PCSK5: variants seen among roughly 807,000 people sequenced by gnomAD.
PCSK5 encodes proprotein convertase subtilisin/kexin type 5, also known as prohormone convertase 5.
PCSK5 carries 129 observed loss-of-function variants against 233.2 expected under a neutral mutation model. The ratio of observed to expected loss-of-function variants is 0.55; its 90% CI spans 0.48 to 0.64. The LOEUF (loss-of-function observed/expected upper bound fraction) is 0.64. Ranked by LOEUF, PCSK5 falls within the 30% of genes least tolerant of loss-of-function variation. PCSK5 has a pLI of 0.00. For missense variants in PCSK5, 2,076 were observed against 2,430.1 expected (o/e 0.85, Z 3.06); for synonymous variants, 825 against 879.2 (o/e 0.94, Z 1.09).
chr9:76,293,697 G>A (rs556258509), intron 25 of PCSK5, among the ~76,000 whole-genome samples: 1 of 152,234 alleles, frequency 6.6e-6, no homozygotes, highest in Non-Finnish European at 1.5e-5. Context: ...TCTGTTAAAC[G>A]TTGGAGCCAA....
intron 3 of PCSK5, among the ~76,000 whole-genome samples, chr9:76,010,834 G>A (rs1047516721): frequency 1.3e-5 from 2 of 152,186 alleles, no homozygotes; most frequent in African/African-American, 4.8e-5. Context: ...TGCTACCCTA[G>A]TGTTGAATTT....
At chr9:75,950,216 T>G (rs1824791591) in intron 2 of PCSK5, among the ~76,000 whole-genome samples, 1 of 150,968 alleles carries the variant, frequency 6.6e-6, no homozygotes, top group African/African-American at 2.4e-5. Flanking sequence ...TTTATTTATT[T>G]GTTTTTTTTT....
At chr9:76,316,684 G>A (rs1829041049) in intron 30 of PCSK5, among the ~76,000 whole-genome samples, 1 of 136,282 alleles carries the variant, frequency 7.3e-6, no homozygotes, top group Non-Finnish European at 1.5e-5. Context: ...GCTGCAGTGA[G>A]CCATGATCAC....
intron 16 of PCSK5, among the ~76,000 whole-genome samples, chr9:76,182,081 G>T (rs1823899384): frequency 6.6e-6 from 1 of 152,102 alleles, no homozygotes; most frequent in African/African-American, 2.4e-5. Flanking sequence ...AAGGAAAATA[G>T]GTGTTCACCA....
chr9:76,104,236 G>A, intron 8 of PCSK5, among the ~76,000 whole-genome samples: 1 of 152,036 alleles, frequency 6.6e-6, no homozygotes, highest in Non-Finnish European at 1.5e-5. Flanking sequence ...CCTAAATATT[G>A]CCACCTCTGA....
At chr9:76,059,476 G>T (rs1282108551) in intron 5 of PCSK5, among the ~76,000 whole-genome samples, 1 of 152,160 alleles carries the variant, frequency 6.6e-6, no homozygotes, top group Non-Finnish European at 1.5e-5. Flanking sequence ...TTCTTCTAAG[G>T]TTTTTATGGT....
At chr9:76,260,490 C>T (rs1213591177) in intron 24 of PCSK5, among the ~76,000 whole-genome samples, 2 of 152,228 alleles carry the variant, frequency 1.3e-5, no homozygotes, top group African/African-American at 4.8e-5. Context: ...GAAACCATCA[C>T]TGATAGCCGT....
At position 76,189,727 on chromosome 9, in the gene PCSK5, G is replaced by A. The variant is rs1294419418; in HGVS notation, c.2607G>A (p.Met869Ile). ...GYLLDLGMCQ[M>I]GAICKDGEYV... ...TCTTAGACTTAGGAATGTGTCAAAT[G>A]GGAGCCATTTGCAAGGATGGTGAGT... is the stretch of plus-strand genomic sequence containing the variant. The change falls in exon 20 of 38, where the codon ATG (methionine) becomes ATA (isoleucine). Residue 869 changes from methionine (M) to isoleucine (I), a missense_variant. Met to Ile is a conservative substitution (Grantham distance 10). Around this residue, in one of 6 missense-constraint regions of PCSK5, gnomAD observed 1,510 missense variants for 1,538.1 expected, o/e 0.98. Coordinates refer to ENST00000674117, the MANE Select transcript of PCSK5 (RefSeq NM_001372043.1). 6.2e-7 allele frequency: 1 copy of A among 1,600,290 alleles called. No individual in the cohort carries two copies. The highest frequency in any genetic ancestry group is 8.6e-7 in the Non-Finnish European group (1 of 1,167,668).
chr9:75,988,243 C>A (rs1205746214), intron 3 of PCSK5, among the ~76,000 whole-genome samples: 1 of 152,082 alleles, frequency 6.6e-6, no homozygotes, highest in African/African-American at 2.4e-5. Flanking sequence ...TTACTATGCA[C>A]CAGGCAATGT....
At chr9:76,110,674 C>G (rs1221197692) in intron 9 of PCSK5, among the ~76,000 whole-genome samples, 1 of 151,290 alleles carries the variant, frequency 6.6e-6, no homozygotes, top group East Asian at 1.9e-4. Context: ...ACAGCCCAGG[C>G]AACAGAATGA....
intron 1 of PCSK5, among the ~76,000 whole-genome samples, chr9:75,900,718 T>A (rs1380725693): frequency 6.7e-6 from 1 of 149,496 alleles, no homozygotes; most frequent in Non-Finnish European, 1.5e-5. Context: ...TTTTTTTTTT[T>A]ACCCTGCAGT....
At chr9:76,303,913 T>C (rs1483251867) in intron 28 of PCSK5, among the ~76,000 whole-genome samples, 1 of 152,296 alleles carries the variant, frequency 6.6e-6, no homozygotes, top group East Asian at 1.9e-4. Context: ...GGCTCACACC[T>C]GTAATCCCAG....
intron 5 of PCSK5, among the ~76,000 whole-genome samples, chr9:76,049,192 G>A (rs1256389300): frequency 6.6e-6 from 1 of 152,070 alleles, no homozygotes; most frequent in African/African-American, 2.4e-5. Flanking sequence ...TTGGCCCATT[G>A]CAGAAAATAT....
At chr9:76,109,560 G>A (rs1489588426) in intron 9 of PCSK5, among the ~76,000 whole-genome samples, 1 of 136,798 alleles carries the variant, frequency 7.3e-6, no homozygotes, top group South Asian at 2.3e-4. Flanking sequence ...GACTACAATT[G>A]TTTTTTTTTT....
In PCSK5 at chr9:76,187,085, G is replaced by C. The variant is rs574237333; in HGVS notation, c.2283-1493G>C. Among the ~76,000 whole-genome samples the C allele has an allele frequency of 1.0e-3, 156 of 152,012 alleles. No homozygotes were observed. In the Middle Eastern group the frequency reaches 0.01, roughly 10 times the overall value. On this transcript the variant is annotated intron_variant, in intron 17 of 37. Transcript: ENST00000674117. ...ATTAAATGCTAATGGGGACTGTTCG[G>C]GTTTCTTTTTTCTTCAACTTTGTTT...
At chr9:76,213,338 G>A (rs1356630428) in intron 20 of PCSK5, among the ~76,000 whole-genome samples, 1 of 152,116 alleles carries the variant, frequency 6.6e-6, no homozygotes, top group African/African-American at 2.4e-5. Flanking sequence ...TTCCTTTTCG[G>A]TATTCATTCA....
intron 37 of PCSK5, among the ~76,000 whole-genome samples, chr9:76,355,166 T>C (rs1339640757): frequency 6.6e-6 from 1 of 152,150 alleles, no homozygotes; most frequent in East Asian, 1.9e-4. Context: ...TCAAACTGAC[T>C]GATTCCTTCT....
intron 24 of PCSK5, among the ~76,000 whole-genome samples, chr9:76,273,482 T>C (rs2131376221): frequency 6.6e-6 from 1 of 151,310 alleles, no homozygotes; most frequent in East Asian, 1.9e-4. Flanking sequence ...TTTATCACTC[T>C]CCCTGGGCTA....
intron 24 of PCSK5, chr9:76,287,447 T>C (rs1450640302): frequency 1.9e-5 from 3 of 159,604 alleles, no homozygotes; most frequent in Non-Finnish European, 2.9e-5. Context: ...CATCTGACTT[T>C]GGCATGTCAT....
Sources: allele counts gnomAD v4.1 joint callset (sites outside exome capture counted in the v4.1 genomes callset), GRCh38; gene constraint gnomAD v4.1.1; regional missense constraint gnomAD v4.1.1; transcripts MANE v1.5; gene names NCBI Gene and HGNC (gene_info 2026-07-23, HGNC 2026-07-21).